Variants in VIPAS39 observed in about 807,000 individuals in gnomAD.
VIPAS39 encodes spermatogenesis-defective protein 39 homolog.
A neutral mutation model predicts 84.7 loss-of-function variants in VIPAS39; 63 were observed. That is an observed-to-expected ratio of 0.74 (90% CI 0.61 to 0.92). The LOEUF is 0.92. VIPAS39 is among the 40% of genes least tolerant of loss of function. The probability of loss-of-function intolerance (pLI) is 0.00; values close to 1 mark genes in which losing one functional copy is unlikely to be tolerated. For synonymous variants in VIPAS39, 192 were observed against 216.5 expected (o/e 0.89, Z 0.99); for missense variants, 499 against 604.5 (o/e 0.83, Z 1.83).
At chr14:77,431,145 A>G (rs918349425) in intron 16 of VIPAS39, among the ~76,000 whole-genome samples, 1 of 152,252 alleles carries the variant, frequency 6.6e-6, no homozygotes, top group South Asian at 2.1e-4. Flanking sequence ...TTTTTTGGAT[A>G]TCACACCAAA....
At chr14:77,449,479 CA>C in intron 5 of VIPAS39, 122 bp from the exon 6 acceptor site, 1 of 1,344,890 alleles carries the variant, frequency 7.4e-7, no homozygotes, top group Non-Finnish European at 1.1e-6. Flanking sequence ...ACTTTATGGC[CA>C]AAAGCAGATC....
At chr14:77,439,888 CAATAACTAA>C (rs1343138184) in intron 11 of VIPAS39, among the ~76,000 whole-genome samples, 1 of 152,088 alleles carries the variant, frequency 6.6e-6, no homozygotes, top group Non-Finnish European at 1.5e-5. Context: ...ATGTGTTGTA[CAATAACTAA>C]AAAAGCAATC....
chr14:77,444,410 A>G, intron 7 of VIPAS39, 69 bp from the exon 8 acceptor site: 1 of 1,382,934 alleles, frequency 7.2e-7, no homozygotes, highest in Non-Finnish European at 1.0e-6. Flanking sequence ...GCTGGATACT[A>G]AAGAATAAGC....
chr14:77,456,397 T>C lies in VIPAS39; in HGVS notation c.-1+1098A>G, dbSNP rs533218053. Among the ~76,000 whole-genome samples the C allele has an allele frequency of 2.6e-5, 4 of 152,374 alleles. No individual in the cohort carries two copies. In the East Asian group the frequency reaches 7.7e-4, roughly 29 times the overall value. On this transcript the variant is annotated intron_variant, in intron 1 of 19. Transcript: ENST00000557658. Reference sequence around the variant, plus strand: ...TCTGAGTAGCCACAAATGCTGAAGATGTGTATAGAACATATAAATGTCTCT... The same window carrying C: ...TCTGAGTAGCCACAAATGCTGAAGACGTGTATAGAACATATAAATGTCTCT...
rs755923624 is a variant in VIPAS39 at position 77,449,373 on chromosome 14, C to G, written c.383-16G>C. On this transcript the variant is annotated splice_polypyrimidine_tract_variant and intron_variant, in intron 5 of 19. Coordinates refer to ENST00000557658, the MANE Select transcript of VIPAS39 (RefSeq NM_001193315.2). Reference sequence around the variant, plus strand: ...TCTGACAGAGCTGAAAAAGAATAAGCAGCTGGTTCAGAAGGGCACCATGAA... The same window carrying G: ...TCTGACAGAGCTGAAAAAGAATAAGGAGCTGGTTCAGAAGGGCACCATGAA... 1 of 1,614,070 alleles carries G rather than the reference C, an allele frequency of 6.2e-7. No homozygotes were observed. The highest frequency in any genetic ancestry group is 8.5e-7 in the Non-Finnish European group (1 of 1,179,954).
chr14:77,448,904 A>C (rs1413032400), intron 6 of VIPAS39, among the ~76,000 whole-genome samples: 1 of 152,218 alleles, frequency 6.6e-6, no homozygotes, highest in Non-Finnish European at 1.5e-5. Context: ...GAGATGTTGG[A>C]GACATGTTCC....
rs1357691727 is a variant in VIPAS39, at chr14:77,449,312, C to A, written c.428G>T (p.Arg143Ile). The change falls in exon 6 of 20, where the codon AGA becomes ATA. Residue 143 changes from arginine (R) to isoleucine (I), a missense_variant. By Grantham distance (97) the Arg-to-Ile change is moderately conservative (BLOSUM62 -3). Transcript: ENST00000557658. ...PAKSYAPELG[R>I]PKGEYRDYSN... ...ACTCACCCTATACTCCCCTTTGGGT[C>A]TCCCCAGCTCTGGAGCATAGCTTTT... 6.2e-7 allele frequency: 1 copy of A among 1,614,212 alleles called. No individual in the cohort carries two copies. The highest frequency in any genetic ancestry group is 1.1e-5 in the South Asian group (1 of 91,086).
intron 11 of VIPAS39, among the ~76,000 whole-genome samples, chr14:77,439,625 A>G (rs964195856): frequency 1.3e-5 from 2 of 152,160 alleles, no homozygotes; most frequent in East Asian, 3.8e-4. Flanking sequence ...CCGTCTCTAC[A>G]AAAAGATTTT....
rs777684213 is a variant in VIPAS39, at chr14:77,429,134, C to T, written c.1267-39G>A. The T allele has an allele frequency of 3.2e-6, 5 of 1,566,604 alleles. No homozygotes were observed. In the African/African-American group the frequency reaches 4.1e-5, roughly 13 times the overall value. The stretch of plus-strand genomic sequence containing the variant: ...TACTTCCGATTAATGATTCAAACAC[C>T]CATAAGGCACAGAGCTCTACAAGGT... On this transcript the variant is annotated intron_variant, in intron 17 of 19. Coordinates refer to ENST00000557658, the MANE Select transcript of VIPAS39 (RefSeq NM_001193315.2).
rs879536978 is a variant in VIPAS39, at chr14:77,444,963, AT to A, written c.505-623del. Among the ~76,000 whole-genome samples the A allele has an allele frequency of 1.9e-3, 271 of 143,342 alleles. 1 individual carries two copies. Among genetic ancestry groups the A allele is most frequent in the African/African-American group, 4.9e-3 (189 of 38,296 alleles). The allele number at this position is 143,342 out of a possible 152,430, so 94.0% of individuals were successfully genotyped here. ...CCCTATTTAAGTATATAGTTCAGTGATTTTTTTTTTTTTGAGACGGAGTCTC... is the reference window on the plus strand; with the variant it reads ...CCCTATTTAAGTATATAGTTCAGTGATTTTTTTTTTTTGAGACGGAGTCTC... On this transcript the variant is annotated intron_variant, in intron 7 of 19. Transcript: ENST00000557658.
At chr14:77,457,172 C>A (rs368149503) in intron 1 of VIPAS39, 2 of 1,457,970 alleles carry the variant, frequency 1.4e-6, no homozygotes, top group Admixed American at 5.0e-5. Context: ...GACCAGGGAA[C>A]AAGAGTTAAG....
chr14:77,437,842 C>T lies in VIPAS39; in HGVS notation c.802G>A (p.Asp268Asn), dbSNP rs753807385. Reference protein sequence around the residue: ...YREHLNIQDPDKRKEFLKTCV... With the variant: ...YREHLNIQDPNKRKEFLKTCV... ...GTTTTAAGAAATTCTTTTCGTTTGT[C>T]AGGGTCCTGAATGTTCAAATGCTCT... The change falls in exon 12 of 20, where the codon GAC (aspartate) becomes AAC (asparagine). Residue 268 changes from aspartate to asparagine, a missense_variant. By Grantham distance (23) the Asp-to-Asn change is conservative (BLOSUM62 1). Transcript: ENST00000557658. 4.3e-6 allele frequency: 7 copies of T among 1,613,970 alleles called. No homozygotes were observed. In the African/African-American group the frequency reaches 8.0e-5, roughly 18 times the overall value.
Position 77,454,083 on chromosome 14 carries a change from T to C in VIPAS39, c.20A>G (p.Asp7Gly), listed in dbSNP as rs2078924027. 6.2e-7 allele frequency: 1 copy of C among 1,614,054 alleles called. No individual in the cohort carries two copies. Among genetic ancestry groups the C allele is most frequent in the Admixed American group, 1.7e-5 (1 of 60,006 alleles). Residue 7 changes from aspartate to glycine, a missense_variant, in exon 2 of 20, where the codon GAT (aspartate) becomes GGT (glycine). Coordinates refer to ENST00000557658, the MANE Select transcript of VIPAS39 (RefSeq NM_001193315.2). MNRTKG[D>G]EEEYWNSSKF... ...GGAGCTGTTCCAATACTCCTCCTCA[T>C]CACCCTTTGTCCGATTCATCTACAG...
At chr14:77,435,467 A>C in intron 13 of VIPAS39, 74 bp from the exon 14 acceptor site, 1 of 1,585,200 alleles carries the variant, frequency 6.3e-7, no homozygotes, top group Non-Finnish European at 8.6e-7. Context: ...AAAATCTTTT[A>C]ATACTACAGC....
rs369962683 is a variant in VIPAS39 at position 77,433,836 on chromosome 14, A to T, written c.1179+6T>A. 6 of 1,613,766 alleles carry T rather than the reference A, an allele frequency of 3.7e-6. No individual in the cohort carries two copies. In the African/African-American group the frequency reaches 8.0e-5, roughly 22 times the overall value. On this transcript the variant is annotated splice_donor_region_variant and intron_variant, in intron 16 of 19. Coordinates refer to ENST00000557658, the MANE Select transcript of VIPAS39 (RefSeq NM_001193315.2). ...GGCCTCAGCAGCACAGGGGCAGGGC[A>T]CACACCTTTGTGGTGAATAGGGCAT...
chr14:77,435,242 C>T lies in VIPAS39; in HGVS notation c.1047+17G>A, dbSNP rs1448558482. 1 of 1,613,934 alleles carries T rather than the reference C, an allele frequency of 6.2e-7. No individual in the cohort carries two copies. Among genetic ancestry groups the T allele is most frequent in the East Asian group, 2.2e-5 (1 of 44,892 alleles). ...GTGCAATGAGAGTTTGTGGAATCTT[C>T]CATATTTTGCCTGTACCTCAGCCTC... On this transcript the variant is annotated intron_variant, in intron 14 of 19. Transcript: ENST00000557658.
At chr14:77,430,460 T>C (rs2078503755) in intron 16 of VIPAS39, among the ~76,000 whole-genome samples, 1 of 152,190 alleles carries the variant, frequency 6.6e-6, no homozygotes, top group Non-Finnish European at 1.5e-5. Flanking sequence ...CTCATGTCTG[T>C]AATCCCAGCA....
chr14:77,448,206 G>A (rs1402169946), intron 7 of VIPAS39, among the ~76,000 whole-genome samples: 2 of 151,860 alleles, frequency 1.3e-5, no homozygotes, highest in East Asian at 1.9e-4. Flanking sequence ...CACCCTCCTC[G>A]GCCTCCCAAA....
chr14:77,453,105 A>G (rs2078907947), intron 3 of VIPAS39, among the ~76,000 whole-genome samples, 194 bp downstream of exon 3: 1 of 152,212 alleles, frequency 6.6e-6, no homozygotes, highest in Non-Finnish European at 1.5e-5. Flanking sequence ...GCAGACCTAT[A>G]TAGCCATGTG....
Sources: allele counts gnomAD v4.1 joint callset (sites outside exome capture counted in the v4.1 genomes callset), GRCh38; gene constraint gnomAD v4.1.1; transcripts MANE v1.5; gene names NCBI Gene and HGNC (gene_info 2026-07-23, HGNC 2026-07-21).